SOS2: variants seen among roughly 807,000 people sequenced by gnomAD.
SOS2 encodes the protein SOS Ras/Rho guanine nucleotide exchange factor 2, also known as son of sevenless homolog 2.
SOS2 carries 65 observed loss-of-function variants against 148.2 expected under a neutral mutation model. That is an observed-to-expected ratio of 0.44 (90% CI 0.36 to 0.54). The LOEUF (loss-of-function observed/expected upper bound fraction) is 0.54. Ranked by LOEUF, SOS2 falls within the 20% of genes least tolerant of loss-of-function variation. The pLI is 0.00. For synonymous variants in SOS2, 539 were observed against 537.1 expected, an observed-to-expected ratio of 1.00 and a Z score of -0.05; for missense variants, 1,341 against 1,590.2, an observed-to-expected ratio of 0.84 and a Z score of 2.67.
intron 2 of SOS2, among the ~76,000 whole-genome samples, chr14:50,203,860 G>A (rs982658039): frequency 6.6e-6 from 1 of 150,676 alleles, no homozygotes; most frequent in East Asian, 1.9e-4. Flanking sequence ...ACAGGTGTGA[G>A]CCACCGCACC....
intron 5 of SOS2, among the ~76,000 whole-genome samples, chr14:50,185,483 G>A (rs1885877536): frequency 6.6e-6 from 1 of 152,078 alleles, no homozygotes; most frequent in Non-Finnish European, 1.5e-5. Flanking sequence ...CCTAACGTCA[G>A]GATTTCGAGA....
chr14:50,121,522 T>G (rs1883507601), intron 21 of SOS2, among the ~76,000 whole-genome samples: 1 of 29,632 alleles, frequency 3.4e-5, no homozygotes, highest in African/African-American at 1.9e-4. Flanking sequence ...TGCAGTTACT[T>G]CCTGGGGGAG....
rs769463448 is a variant in SOS2, at chr14:50,231,181, C to T, written c.87+16G>A. 5.0e-6 allele frequency: 7 copies of T among 1,392,594 alleles called. No homozygotes were observed. Among genetic ancestry groups the T allele is most frequent in the East Asian group, 2.8e-5 (1 of 35,642 alleles). The allele number at this position is 1,392,594 out of a possible 1,614,324, so 86.3% of individuals were successfully genotyped here. ...GCCACGGGCCACCCGCCGGCCGCCC[C>T]GCCCCTAGCACTGACCTTCCGCAGG... On this transcript the variant is annotated intron_variant, in intron 1 of 22. Transcript: ENST00000216373.
rs777421603 is a variant in SOS2, at chr14:50,118,673, G to A, written c.3670C>T (p.Pro1224Ser). 5 of 1,613,864 alleles carry A rather than the reference G, an allele frequency of 3.1e-6. No individual in the cohort carries two copies. The highest frequency in any genetic ancestry group is 2.2e-5 in the East Asian group (1 of 44,866). Residue 1224 changes from proline to serine, a missense_variant, in exon 23 of 23, where the codon CCA (proline) becomes TCA (serine). Transcript: ENST00000216373. ...DTPPPVPLRP[P>S]EHFINCPFNL... ...AATGGACAGTTTATAAAGTGTTCTG[G>A]AGGCCGAAGGGGAACTGGTGGAGGG... is the stretch of plus-strand genomic sequence containing the variant.
At chr14:50,149,594 A>T (rs1210649149) in intron 14 of SOS2, among the ~76,000 whole-genome samples, 1 of 152,220 alleles carries the variant, frequency 6.6e-6, no homozygotes, top group Non-Finnish European at 1.5e-5. Context: ...GAGCTGTTAC[A>T]TGCAAGGCCT....
intron 10 of SOS2, 63 bp downstream of exon 10, chr14:50,159,368 G>C: frequency 9.5e-7 from 1 of 1,055,804 alleles, no homozygotes; most frequent in Non-Finnish European, 1.4e-6. Context: ...ATATTTTTGA[G>C]CATCCTTAAA....
In SOS2 at chr14:50,180,030, A is replaced by T. The variant is rs183697185; in HGVS notation, c.969+542T>A. On this transcript the variant is annotated intron_variant, in intron 7 of 22. Transcript: ENST00000216373. ...TTTTTCTATTTATTTTTTGAGACAG[A>T]GTCTCACTATTCCACCCAAGCTGGA... 5.4e-3 allele frequency among the ~76,000 whole-genome samples: 812 copies of T among 151,126 alleles called. 6 individuals are homozygous for T. The highest frequency in any genetic ancestry group is 0.019 in the African/African-American group (766 of 41,130).
intron 5 of SOS2, among the ~76,000 whole-genome samples, chr14:50,186,590 G>C (rs1885919049): frequency 6.9e-6 from 1 of 143,890 alleles, no homozygotes; most frequent in Non-Finnish European, 1.5e-5. Flanking sequence ...AGACCAACCT[G>C]AACAACATAG....
At chr14:50,178,838 A>G (rs1885630949) in intron 7 of SOS2, among the ~76,000 whole-genome samples, 1 of 151,632 alleles carries the variant, frequency 6.6e-6, no homozygotes, top group South Asian at 2.1e-4. Flanking sequence ...GGTTCAAGCA[A>G]TTCTCCTGCC....
At position 50,158,594 on chromosome 14, in the gene SOS2, T is replaced by C; in HGVS notation, c.1905A>G (p.Pro635=). ...FLTTYRSFCK[P]QELLSLLIER... ...CAATCAGTAAGCTCAGCAATTCCTGTGGTTTACAAAATGAACGATATGTGG... is the reference window on the plus strand; with the variant it reads ...CAATCAGTAAGCTCAGCAATTCCTGCGGTTTACAAAATGAACGATATGTGG... Residue 635 remains proline, a synonymous_variant, in exon 11 of 23, where the codon CCA becomes CCG. Transcript: ENST00000216373. 1 of 1,607,784 alleles carries C rather than the reference T, an allele frequency of 6.2e-7. No homozygotes were observed. Among genetic ancestry groups the C allele is most frequent in the South Asian group, 1.1e-5 (1 of 90,206 alleles).
intron 1 of SOS2, among the ~76,000 whole-genome samples, chr14:50,220,859 G>A (rs1429991414): frequency 1.3e-5 from 2 of 152,152 alleles, no homozygotes; most frequent in Non-Finnish European, 2.9e-5. Context: ...AATGGCCTAT[G>A]ACCCAGAAGC....
chr14:50,215,072 G>A (rs1020391157), intron 1 of SOS2, among the ~76,000 whole-genome samples: 13 of 151,536 alleles, frequency 8.6e-5, no homozygotes, highest in African/African-American at 3.2e-4. Context: ...TCCTGACCTC[G>A]TGATCTGCCC....
intron 18 of SOS2, among the ~76,000 whole-genome samples, chr14:50,136,987 T>C (rs1222124350): frequency 6.6e-6 from 1 of 152,164 alleles, no homozygotes; most frequent in Non-Finnish European, 1.5e-5. Context: ...TATCTCATAA[T>C]TTAGGAGGGT....
intron 1 of SOS2, 96 bp downstream of exon 1, chr14:50,231,101 C>T (rs1052353479): frequency 5.7e-6 from 4 of 698,868 alleles, no homozygotes; most frequent in Non-Finnish European, 8.0e-6. Flanking sequence ...GGCTCGGCCC[C>T]GGGGACTCGA....
Position 50,150,224 on chromosome 14 carries a change from G to A in SOS2, c.2168C>T (p.Ala723Val), listed in dbSNP as rs1566827698. Reference sequence around the variant, plus strand: ...AATTGACTCTACCCATTTTTTCATAGCTTTCCCTGGAAAAAGAACACATAA... The same window carrying A: ...AATTGACTCTACCCATTTTTTCATAACTTTCCCTGGAAAAAGAACACATAA... ...ESFISSVRGK[A>V]MKKWVESIAK... The change falls in exon 14 of 23, where the codon GCT becomes GTT. Residue 723 changes from alanine (A) to valine (V), a missense_variant. Transcript: ENST00000216373. 1.9e-6 allele frequency: 3 copies of A among 1,600,562 alleles called. No homozygotes were observed. Among genetic ancestry groups the A allele is most frequent in the Non-Finnish European group, 2.6e-6 (3 of 1,168,156 alleles).
intron 6 of SOS2, among the ~76,000 whole-genome samples, chr14:50,181,214 C>T (rs528255501): frequency 5.9e-4 from 89 of 152,036 alleles, no homozygotes; most frequent in African/African-American, 2.0e-3. Flanking sequence ...TTTGGGAGGC[C>T]GAGGCGGACG....
chr14:50,169,519 A>C (rs1231860209), intron 8 of SOS2, among the ~76,000 whole-genome samples: 7 of 151,834 alleles, frequency 4.6e-5, no homozygotes, highest in Admixed American at 2.6e-4. Context: ...GGTCACCTGT[A>C]ATCTCAGCTA....
chr14:50,121,547 T>C (rs961429272), intron 21 of SOS2, among the ~76,000 whole-genome samples: 4 of 131,702 alleles, frequency 3.0e-5, no homozygotes, highest in African/African-American at 1.2e-4. Flanking sequence ...GGGAGTCCTG[T>C]TGACTCAGGG....
intron 8 of SOS2, among the ~76,000 whole-genome samples, chr14:50,173,121 G>C (rs555685556): frequency 8.6e-5 from 13 of 151,742 alleles, no homozygotes; most frequent in Admixed American, 2.6e-4. Context: ...TAGGCTTGTG[G>C]CCACCATGCC....
Sources: gnomAD v4.1 joint callset for allele counts (sites outside exome capture counted in the v4.1 genomes callset) on GRCh38, gnomAD v4.1.1 for gene constraint, MANE v1.5 for transcripts, NCBI Gene and HGNC (gene_info 2026-07-23, HGNC 2026-07-21) for gene names.